The following BMP2K variants were observed in gnomAD, a reference collection of about 807,000 sequenced individuals.
BMP2K encodes BMP2 inducible kinase.
Under a neutral mutation model 116.0 loss-of-function variants are expected in BMP2K, and 74 were observed. That is an observed-to-expected ratio of 0.64 (90% CI 0.53 to 0.77). The LOEUF (loss-of-function observed/expected upper bound fraction) is 0.77, where lower values mean the gene tolerates loss of function less well. Ranked by LOEUF, BMP2K falls within the 30% of genes least tolerant of loss-of-function variation. The pLI, the probability that BMP2K is intolerant of heterozygous loss-of-function variation, is 0.00. For missense variants in BMP2K, 1,365 were observed against 1,403.6 expected, an observed-to-expected ratio of 0.97 and a Z score of 0.44; for synonymous variants, 486 against 502.5, an observed-to-expected ratio of 0.97 and a Z score of 0.44.
chr4:78,845,685 A>T (rs1381257127), intron 5 of BMP2K, among the ~76,000 whole-genome samples: 1 of 151,744 alleles, frequency 6.6e-6, no homozygotes, highest in African/African-American at 2.4e-5. Flanking sequence ...GGTTATCTTA[A>T]TAAAGTGATA....
intron 2 of BMP2K, among the ~76,000 whole-genome samples, chr4:78,833,333 G>T (rs528846275): frequency 6.6e-6 from 1 of 151,910 alleles, no homozygotes; most frequent in Non-Finnish European, 1.5e-5. Context: ...TTCCTTTTGC[G>T]TGAACCATTT....
chr4:78,853,602 C>T (rs1731362066), intron 7 of BMP2K, among the ~76,000 whole-genome samples: 1 of 152,022 alleles, frequency 6.6e-6, no homozygotes, highest in Non-Finnish European at 1.5e-5. Flanking sequence ...TCTTTTGGCT[C>T]CTGTGTTGTA....
chr4:78,888,655 T>C (rs1733241191), intron 15 of BMP2K, among the ~76,000 whole-genome samples: 1 of 152,230 alleles, frequency 6.6e-6, no homozygotes, highest in Non-Finnish European at 1.5e-5. Context: ...CTGGACACCC[T>C]TATTTGGAGG....
rs370861712 is a variant in BMP2K, at chr4:78,911,435, C to A, written c.2888C>A (p.Thr963Lys). 6.2e-7 allele frequency: 1 copy of A among 1,613,860 alleles called. No individual in the cohort carries two copies. The highest frequency in any genetic ancestry group is 2.2e-5 in the East Asian group (1 of 44,892). Reference sequence around the variant, plus strand: ...GGGCTTGTGCCCTTTGATGAAATAACGGGGAGCCAGCAGCAAAAAGTCAAA... The same window carrying A: ...GGGCTTGTGCCCTTTGATGAAATAAAGGGGAGCCAGCAGCAAAAAGTCAAA... ...LFGLVPFDEI[T>K]GSQQQKVKQR... The change falls in exon 16 of 16, where the codon ACG becomes AAG. Residue 963 changes from threonine (T) to lysine (K), a missense_variant. Around this residue, in one of 3 missense-constraint regions of BMP2K, gnomAD observed 596 missense variants for 623.2 expected, o/e 0.96. Transcript: ENST00000502613.
chr4:78,834,354 C>T (rs1247048279), intron 3 of BMP2K, among the ~76,000 whole-genome samples: 1 of 151,716 alleles, frequency 6.6e-6, no homozygotes, highest in Non-Finnish European at 1.5e-5. Flanking sequence ...CTCGGCCTCC[C>T]GGGTTCATGC....
At chr4:78,777,336 AGGT>A (rs1727296143) in intron 1 of BMP2K, among the ~76,000 whole-genome samples, 1 of 152,212 alleles carries the variant, frequency 6.6e-6, no homozygotes. Flanking sequence ...CTGTTGGACA[AGGT>A]GCTATTCATG....
chr4:78,838,141 CAGAG>C (rs1730582862), intron 3 of BMP2K, among the ~76,000 whole-genome samples: 2 of 152,302 alleles, frequency 1.3e-5, no homozygotes, highest in South Asian at 2.1e-4. Context: ...TGGCAGCAGA[CAGAG>C]AGGGTTTGTG....
chr4:78,908,917 C>T (rs571506397), intron 15 of BMP2K, among the ~76,000 whole-genome samples: 2 of 152,196 alleles, frequency 1.3e-5, no homozygotes, highest in East Asian at 3.9e-4. Flanking sequence ...CTGCCATCCA[C>T]CAAGAGTTTT....
At chr4:78,871,999 G>A (rs910989567) in intron 12 of BMP2K, 51 bp downstream of exon 12, 10 of 1,263,866 alleles carry the variant, frequency 7.9e-6, no homozygotes, top group South Asian at 1.3e-5. Flanking sequence ...TATGGTGTTG[G>A]AATTCACAGT....
At chr4:78,889,410 T>C (rs1212076887) in intron 15 of BMP2K, among the ~76,000 whole-genome samples, 1 of 152,084 alleles carries the variant, frequency 6.6e-6, no homozygotes, top group Non-Finnish European at 1.5e-5. Context: ...CACTGTGCAA[T>C]ATTAGCACTG....
At chr4:78,862,222 A>G (rs1194395891) in intron 9 of BMP2K, among the ~76,000 whole-genome samples, 1 of 152,084 alleles carries the variant, frequency 6.6e-6, no homozygotes, top group African/African-American at 2.4e-5. Context: ...GATGTAGACA[A>G]TTTAAACACA....
At chr4:78,819,238 C>T (rs996731378) in intron 1 of BMP2K, among the ~76,000 whole-genome samples, 1 of 152,106 alleles carries the variant, frequency 6.6e-6, no homozygotes, top group Non-Finnish European at 1.5e-5. Context: ...TGAGCTCAGG[C>T]CATCCACTCT....
intron 10 of BMP2K, among the ~76,000 whole-genome samples, chr4:78,868,569 T>G (rs1732173276): frequency 6.6e-6 from 1 of 152,012 alleles, no homozygotes; most frequent in Non-Finnish European, 1.5e-5. Flanking sequence ...CAGTCCAAGG[T>G]CTCCTCTGAG....
At chr4:78,779,010 G>A (rs1048426082) in intron 1 of BMP2K, among the ~76,000 whole-genome samples, 2 of 152,164 alleles carry the variant, frequency 1.3e-5, no homozygotes, top group Non-Finnish European at 2.9e-5. Context: ...AAGTGTTTTT[G>A]CCATGCTCCT....
intron 9 of BMP2K, among the ~76,000 whole-genome samples, chr4:78,863,847 C>A (rs528004202): frequency 9.9e-5 from 15 of 152,224 alleles, no homozygotes; most frequent in African/African-American, 3.4e-4. Context: ...AAATTTTAAA[C>A]CCCAGTTTCT....
At chr4:78,869,802 A>T (rs1380649442) in intron 10 of BMP2K, among the ~76,000 whole-genome samples, 1 of 152,206 alleles carries the variant, frequency 6.6e-6, no homozygotes. Context: ...TTACATTTTT[A>T]TAAGTATTTT....
intron 2 of BMP2K, 122 bp downstream of exon 2, chr4:78,826,277 C>T (rs1208555963): frequency 6.0e-6 from 4 of 669,116 alleles, no homozygotes; most frequent in African/African-American, 1.8e-5. Flanking sequence ...TCTCAGCTCG[C>T]TGCAACCTCC....
At chr4:78,778,670 C>T (rs375798207) in intron 1 of BMP2K, among the ~76,000 whole-genome samples, 3 of 152,158 alleles carry the variant, frequency 2.0e-5, no homozygotes, top group East Asian at 1.9e-4. Context: ...TGATCCTGGC[C>T]GGTCTTATTT....
Position 78,870,651 on chromosome 4 carries a change from A to T in BMP2K, c.1232-132A>T. 3 of 1,222,468 alleles carry T rather than the reference A, an allele frequency of 2.5e-6. No individual in the cohort carries two copies. The South Asian group carries it at 5.0e-5, about 20-fold the overall frequency. 75.7% of individuals were successfully genotyped at this position (1,222,468 alleles called of 1,614,324 possible). On this transcript the variant is annotated intron_variant, in intron 10 of 15. Transcript: ENST00000502613. ...GTAAATCCCTATAAACTCTATGCAT[A>T]TGGAAGTTTTTGTGTTATAAATAAG...
Sources: allele counts gnomAD v4.1 joint callset (sites outside exome capture counted in the v4.1 genomes callset), GRCh38; gene constraint gnomAD v4.1.1; regional missense constraint gnomAD v4.1.1; transcripts MANE v1.5; gene names NCBI Gene and HGNC (gene_info 2026-07-23, HGNC 2026-07-21).